RYK: variants seen among roughly 807,000 people sequenced by gnomAD.
The protein encoded by RYK is inactive tyrosine-protein kinase RYK.
RYK carries 21 observed loss-of-function variants against 70.2 expected under a neutral mutation model. That is an observed-to-expected ratio of 0.30 (90% CI 0.21 to 0.43). The LOEUF is 0.43. Among genes scored for constraint, RYK ranks in the 20% least tolerant of loss-of-function variants. The probability of loss-of-function intolerance (pLI) is 1.00; values close to 1 mark genes in which losing one functional copy is unlikely to be tolerated. For synonymous variants in RYK, 267 were observed against 278.0 expected (o/e 0.96, Z 0.39); for missense variants, 604 against 753.3 (o/e 0.80, Z 2.32).
In RYK at chr3:134,223,208, C is replaced by CG. The variant is rs2014793705; in HGVS notation, c.233-670_233-669insC. On this transcript the variant is annotated intron_variant, in intron 1 of 14. Coordinates refer to ENST00000623711, the MANE Select transcript of RYK (RefSeq NM_002958.4). ...TTAACCAAGAGGTTAGTACTATAGA[C>CG]AAAACAAAAATAAATGAAAAGCCTG... Among the ~76,000 whole-genome samples, 3 of 152,052 alleles carry CG rather than the reference C, an allele frequency of 2.0e-5. No individual in the cohort carries two copies. In the South Asian group the frequency reaches 6.2e-4, roughly 32 times the overall value.
At chr3:134,238,134 TA>T (rs1216050010) in intron 1 of RYK, among the ~76,000 whole-genome samples, 1 of 152,248 alleles carries the variant, frequency 6.6e-6, no homozygotes, top group African/African-American at 2.4e-5. Flanking sequence ...AGCTGAGACC[TA>T]ATGTTTAACT....
At chr3:134,220,167 C>T (rs1394354283) in intron 2 of RYK, among the ~76,000 whole-genome samples, 1 of 152,094 alleles carries the variant, frequency 6.6e-6, no homozygotes, top group African/African-American at 2.4e-5. Flanking sequence ...AAATTACTGG[C>T]CTGTAAGTTT....
intron 6 of RYK, among the ~76,000 whole-genome samples, chr3:134,197,222 C>T (rs529661105): frequency 6.6e-6 from 1 of 152,074 alleles, no homozygotes; most frequent in South Asian, 2.1e-4. Context: ...TTTGGCTCAA[C>T]GTTATTACAG....
intron 9 of RYK, chr3:134,183,464 A>G (rs1010593322): frequency 3.3e-5 from 5 of 152,600 alleles, no homozygotes; most frequent in African/African-American, 1.2e-4. Context: ...CAAATGACAC[A>G]CAAGATTACA....
intron 13 of RYK, 118 bp from the exon 14 acceptor site, chr3:134,159,491 AATGTT>A: frequency 2.1e-6 from 2 of 954,056 alleles, no homozygotes; most frequent in Non-Finnish European, 3.0e-6. Flanking sequence ...GGAAAAGCGA[AATGTT>A]ATTTACAAAA....
chr3:134,243,364 G>A (rs1356320720), intron 1 of RYK, among the ~76,000 whole-genome samples: 1 of 152,034 alleles, frequency 6.6e-6, no homozygotes, highest in Non-Finnish European at 1.5e-5. Context: ...CACAAGGTTG[G>A]CTCTATCTCA....
intron 13 of RYK, among the ~76,000 whole-genome samples, chr3:134,166,886 T>C (rs763714887): frequency 1.3e-5 from 2 of 152,174 alleles, no homozygotes; most frequent in African/African-American, 4.8e-5. Flanking sequence ...AAGAAAATAT[T>C]AGGATGAATA....
At chr3:134,239,415 C>G (rs749712069) in intron 1 of RYK, among the ~76,000 whole-genome samples, 35 of 152,038 alleles carry the variant, frequency 2.3e-4, no homozygotes, top group Non-Finnish European at 3.8e-4. Context: ...TGAGCCGTAA[C>G]TGCATCACTA....
chr3:134,231,540 T>C (rs969579258), intron 1 of RYK, among the ~76,000 whole-genome samples: 1 of 152,214 alleles, frequency 6.6e-6, no homozygotes, highest in African/African-American at 2.4e-5. Context: ...TAAAACCTAG[T>C]TGGACTTCAA....
At chr3:134,195,631 G>A (rs1011327626) in intron 6 of RYK, among the ~76,000 whole-genome samples, 11 of 152,208 alleles carry the variant, frequency 7.2e-5, no homozygotes, top group African/African-American at 2.4e-4. Context: ...CAAATCAAAT[G>A]TGCCAACATG....
chr3:134,237,771 T>C (rs1302297133), intron 1 of RYK, among the ~76,000 whole-genome samples: 1 of 152,226 alleles, frequency 6.6e-6, no homozygotes, highest in Non-Finnish European at 1.5e-5. Flanking sequence ...TATTACTCTA[T>C]GATATCATCC....
chr3:134,192,850 C>T (rs548151699), intron 7 of RYK, among the ~76,000 whole-genome samples: 1 of 152,274 alleles, frequency 6.6e-6, no homozygotes, highest in East Asian at 1.9e-4. Flanking sequence ...CACTGATTGG[C>T]AGCAGTTTGA....
At chr3:134,239,272 C>A (rs1449233369) in intron 1 of RYK, among the ~76,000 whole-genome samples, 1 of 151,990 alleles carries the variant, frequency 6.6e-6, no homozygotes, top group East Asian at 1.9e-4. Flanking sequence ...CCATCCTGGG[C>A]AGCACAGGGA....
chr3:134,205,101 G>T (rs2014174870), intron 5 of RYK, among the ~76,000 whole-genome samples: 1 of 152,172 alleles, frequency 6.6e-6, no homozygotes, highest in Non-Finnish European at 1.5e-5. Flanking sequence ...CAATAACTTG[G>T]ATAAGGGTAA....
intron 2 of RYK, among the ~76,000 whole-genome samples, chr3:134,219,983 CAG>C (rs762036935): frequency 6.6e-6 from 1 of 152,166 alleles, no homozygotes; most frequent in Non-Finnish European, 1.5e-5. Context: ...AAAAACTTGA[CAG>C]GGGAGAAATC....
At chr3:134,172,624 A>G (rs2012955280) in intron 13 of RYK, among the ~76,000 whole-genome samples, 1 of 152,320 alleles carries the variant, frequency 6.6e-6, no homozygotes, top group Admixed American at 6.5e-5. Context: ...AATCAAAACC[A>G]AAAATGTAAC....
intron 13 of RYK, chr3:134,170,806 C>A: frequency 1.3e-5 from 2 of 153,718 alleles, no homozygotes; most frequent in South Asian, 3.7e-4. Flanking sequence ...TCTTCCTGTT[C>A]TGTTCAGAAT....
At chr3:134,221,218 TTTTTGAGACAGAGTCTC>T (rs2014726642) in intron 2 of RYK, among the ~76,000 whole-genome samples, 1 of 110,402 alleles carries the variant, frequency 9.1e-6, no homozygotes, top group Admixed American at 9.0e-5. Flanking sequence ...TTTTTTTTTT[TTTTTGAGACAGAGTCTC>T]ACTCTGTCTC....
intron 1 of RYK, among the ~76,000 whole-genome samples, chr3:134,236,075 T>C (rs1258263449): frequency 6.6e-6 from 1 of 151,828 alleles, no homozygotes; most frequent in African/African-American, 2.4e-5. Context: ...TCAGGGTAGG[T>C]TCTAATATCC....
Sources: gnomAD v4.1 joint callset for allele counts (sites outside exome capture counted in the v4.1 genomes callset) on GRCh38, gnomAD v4.1.1 for gene constraint, MANE v1.5 for transcripts, NCBI Gene and HGNC (gene_info 2026-07-23, HGNC 2026-07-21) for gene names.